Variants in TRIM24 observed in about 807,000 individuals in gnomAD.
TRIM24 encodes the protein transcription intermediary factor 1-alpha.
TRIM24 carries 29 observed loss-of-function variants against 123.9 expected under a neutral mutation model. The ratio of observed to expected loss-of-function variants is 0.23; its 90% CI spans 0.17 to 0.32. The LOEUF (loss-of-function observed/expected upper bound fraction) is 0.32, where lower values mean the gene tolerates loss of function less well. TRIM24 is among the 10% of genes least tolerant of loss of function. The probability of loss-of-function intolerance (pLI) is 1.00; values close to 1 mark genes in which losing one functional copy is unlikely to be tolerated. For missense variants in TRIM24, 932 were observed against 1,295.3 expected (o/e 0.72, Z 4.31); for synonymous variants, 456 against 461.1 (o/e 0.99, Z 0.14).
rs34173478 is a variant in TRIM24, at chr7:138,589,008, CA to C, written c.*4072del. On this transcript the variant is annotated 3_prime_UTR_variant, in exon 19 of 19. Transcript: ENST00000343526. ...GGGCAACAAGAGCAAAACTCTGTCT[CA>C]AAAAAAAAAAAAAATGGTGACCATG... The C allele has an allele frequency of 0.1, 13,409 of 128,200 alleles. 797 individuals are homozygous for C. Among genetic ancestry groups the C allele is most frequent in the African/African-American group, 0.21 (7,250 of 35,264 alleles). 7.9% of individuals were successfully genotyped at this position (128,200 alleles called of 1,614,324 possible).
At chr7:138,543,865 C>T (rs1797051168) in intron 7 of TRIM24, among the ~76,000 whole-genome samples, 1 of 152,038 alleles carries the variant, frequency 6.6e-6, no homozygotes, top group Non-Finnish European at 1.5e-5. Context: ...AACAGGGTCT[C>T]CCTCTATCGC....
chr7:138,543,879 GGC>G (rs770954953), intron 7 of TRIM24, among the ~76,000 whole-genome samples: 2 of 152,016 alleles, frequency 1.3e-5, no homozygotes, highest in Non-Finnish European at 2.9e-5. Flanking sequence ...CTATCGCCTA[GGC>G]TAGAGTGCAG....
Position 138,567,613 on chromosome 7 carries a change from C to A in TRIM24, c.1663C>A (p.Pro555Thr). 1 of 1,613,284 alleles carries A rather than the reference C, an allele frequency of 6.2e-7. No homozygotes were observed. Among genetic ancestry groups the A allele is most frequent in the Non-Finnish European group, 8.5e-7 (1 of 1,179,714 alleles). ...NIPRQAIKPN[P>T]LQMAFLAQQA... ...ACCACGACAAGCAATAAAGCCAAAC[C>A]CCCTACAGATGGCTTTCTTGGCTCA... is the stretch of plus-strand genomic sequence containing the variant. Residue 555 changes from proline (P) to threonine (T), a missense_variant, in exon 10 of 19, where the codon CCC becomes ACC. Coordinates refer to ENST00000343526, the MANE Select transcript of TRIM24 (RefSeq NM_015905.3).
chr7:138,574,646 TA>T (rs1797720010), intron 12 of TRIM24, among the ~76,000 whole-genome samples: 2 of 152,146 alleles, frequency 1.3e-5, no homozygotes, highest in Non-Finnish European at 2.9e-5. Context: ...AGCTAAGACT[TA>T]AATAATAAAA....
At chr7:138,486,448 T>A (rs1347678291) in intron 1 of TRIM24, among the ~76,000 whole-genome samples, 1 of 152,212 alleles carries the variant, frequency 6.6e-6, no homozygotes, top group Admixed American at 6.5e-5. Flanking sequence ...TAGGTTTTCT[T>A]CTAGGGTTTT....
Position 138,580,589 on chromosome 7 carries a change from A to AGACTT in TRIM24, c.2614_2618dup (p.Ser874ThrfsTer29). 1 of 1,613,338 alleles carries AGACTT rather than the reference A, an allele frequency of 6.2e-7. No homozygotes were observed. Among genetic ancestry groups the AGACTT allele is most frequent in the Non-Finnish European group, 8.5e-7 (1 of 1,179,554 alleles). The stretch of plus-strand genomic sequence containing the variant: ...GAGAGTGGATTTGCACTTTCTGCCG[A>AGACTT]GACTTATCTAAACCAGAAGTTGAAT... On this transcript the variant is annotated frameshift_variant, in exon 16 of 19. Transcript: ENST00000343526. LOFTEE classifies it high-confidence loss of function.
rs577317171 is a variant in TRIM24, at chr7:138,466,463, C to CTTTTTTTTTTTTTTTT, written c.364+5554_364+5569dup. On this transcript the variant is annotated intron_variant, in intron 1 of 18. Transcript: ENST00000343526. The stretch of plus-strand genomic sequence containing the variant: ...TTTGCAAATTTCAAAACTTAAGTTG[C>CTTTTTTTTTTTTTTTT]TTTTTTTTTTTTTTTTTTGGAGACA... 3.4e-4 allele frequency among the ~76,000 whole-genome samples: 25 copies of CTTTTTTTTTTTTTTTT among 74,060 alleles called. 4 individuals are homozygous for CTTTTTTTTTTTTTTTT. Among genetic ancestry groups the CTTTTTTTTTTTTTTTT allele is most frequent in the Admixed American group, 9.0e-4 (4 of 4,458 alleles). 48.6% of individuals were successfully genotyped at this position (74,060 alleles called of 152,430 possible).
In TRIM24 at chr7:138,577,450, T is replaced by C. The variant is rs142854491; in HGVS notation, c.2118T>C (p.Ala706=). The C allele has an allele frequency of 5.7e-6, 9 of 1,590,438 alleles. No homozygotes were observed. The African/African-American group carries it at 1.2e-4, about 22-fold the overall frequency. ...SSGSSSKPAG[A]DSTHKVPVVM... ...GCTCTTCCAGCAAACCAGCAGGAGCTGACTCTACACACAAAGTCCCAGTGG... is the reference window on the plus strand; with the variant it reads ...GCTCTTCCAGCAAACCAGCAGGAGCCGACTCTACACACAAAGTCCCAGTGG... The change falls in exon 14 of 19, where the codon GCT becomes GCC. Residue 706 remains alanine, a synonymous_variant. Coordinates refer to ENST00000343526, the MANE Select transcript of TRIM24 (RefSeq NM_015905.3).
chr7:138,564,703 A>G (rs1431227511), intron 9 of TRIM24, among the ~76,000 whole-genome samples: 4 of 152,278 alleles, frequency 2.6e-5, no homozygotes, highest in South Asian at 2.1e-4. Flanking sequence ...CCTTAAATAC[A>G]TGGCCAATTG....
At chr7:138,584,112 C>T in intron 18 of TRIM24, 113 bp downstream of exon 18, 2 of 1,228,668 alleles carry the variant, frequency 1.6e-6, no homozygotes, top group East Asian at 2.6e-5. Context: ...AATAAATTTC[C>T]AACTTTTCAG....
At chr7:138,555,766 C>T (rs1584736600) in intron 9 of TRIM24, among the ~76,000 whole-genome samples, 1 of 152,016 alleles carries the variant, frequency 6.6e-6, no homozygotes, top group Admixed American at 6.6e-5. Context: ...ACAGGCATGA[C>T]CCACTGTGCC....
At chr7:138,509,835 A>T (rs368331155) in intron 2 of TRIM24, among the ~76,000 whole-genome samples, 21 of 152,306 alleles carry the variant, frequency 1.4e-4, no homozygotes, top group East Asian at 9.6e-4. Flanking sequence ...AGCTGAGGGA[A>T]CAAATGCAAA....
Position 138,589,928 on chromosome 7 carries a change from G to A in TRIM24, c.*4977G>A, listed in dbSNP as rs1584755226. ...ATTTTCAAATTAAGTCCTAATTTGA[G>A]TCCTAAAAAAATCTTTCCTTGTTAG... On this transcript the variant is annotated 3_prime_UTR_variant, in exon 19 of 19. Coordinates refer to ENST00000343526, the MANE Select transcript of TRIM24 (RefSeq NM_015905.3). The A allele has an allele frequency of 6.6e-6, 1 of 152,222 alleles. No homozygotes were observed. The highest frequency in any genetic ancestry group is 1.5e-5 in the Non-Finnish European group (1 of 68,002). 9.4% of individuals were successfully genotyped at this position (152,222 alleles called of 1,614,324 possible).
At chr7:138,531,264 A>G (rs533632115) in intron 6 of TRIM24, among the ~76,000 whole-genome samples, 3 of 152,140 alleles carry the variant, frequency 2.0e-5, no homozygotes, top group East Asian at 3.9e-4. Flanking sequence ...TATGTTACAT[A>G]TGTTTACATG....
At chr7:138,508,688 T>TGCGCGCGCGC (rs1408895553) in intron 2 of TRIM24, among the ~76,000 whole-genome samples, 2 of 91,650 alleles carry the variant, frequency 2.2e-5, no homozygotes, top group Non-Finnish European at 4.6e-5. Flanking sequence ...TGTGTGTGTG[T>TGCGCGCGCGC]GTGTGCGCGC....
At chr7:138,534,117 T>C (rs897378397) in intron 6 of TRIM24, among the ~76,000 whole-genome samples, 1 of 152,214 alleles carries the variant, frequency 6.6e-6, no homozygotes, top group African/African-American at 2.4e-5. Flanking sequence ...TTCTTCTTTA[T>C]TAGTCTTGCT....
chr7:138,508,720 C>A, intron 2 of TRIM24, among the ~76,000 whole-genome samples: 1 of 72,594 alleles, frequency 1.4e-5, no homozygotes, highest in African/African-American at 4.6e-5. Context: ...TGTGTGTGTG[C>A]GTGTGTGTGT....
chr7:138,577,167 G>A (rs111744836), intron 13 of TRIM24, among the ~76,000 whole-genome samples: 29 of 152,190 alleles, frequency 1.9e-4, no homozygotes, highest in African/African-American at 6.7e-4. Flanking sequence ...AAAGCCTCAG[G>A]TTTTTAAAAG....
rs955937116 is a variant in TRIM24 at position 138,577,442 on chromosome 7, G to A, written c.2110G>A (p.Ala704Thr). The change falls in exon 14 of 19, where the codon GCA becomes ACA. Residue 704 changes from alanine (A) to threonine (T), a missense_variant. By Grantham distance (58) the Ala-to-Thr change is moderately conservative. Coordinates refer to ENST00000343526, the MANE Select transcript of TRIM24 (RefSeq NM_015905.3). ...CAGCTCTGGCTCTTCCAGCAAACCA[G>A]CAGGAGCTGACTCTACACACAAAGT... ...RGSSGSSSKP[A>T]GADSTHKVPV... The A allele has an allele frequency of 1.3e-6, 2 of 1,581,180 alleles. No individual in the cohort carries two copies. Among genetic ancestry groups the A allele is most frequent in the Admixed American group, 1.8e-5 (1 of 54,260 alleles).
Sources: allele counts gnomAD v4.1 joint callset (sites outside exome capture counted in the v4.1 genomes callset), GRCh38; gene constraint gnomAD v4.1.1; transcripts MANE v1.5; gene names NCBI Gene and HGNC (gene_info 2026-07-23, HGNC 2026-07-21).